MED6: variants seen among roughly 807,000 people sequenced by gnomAD.
MED6 encodes mediator of RNA polymerase II transcription subunit 6.
In MED6, 33 loss-of-function variants were observed where a neutral mutation model predicts 37.5. The ratio of observed to expected loss-of-function variants is 0.88; its 90% CI spans 0.67 to 1.18. The LOEUF (loss-of-function observed/expected upper bound fraction) is 1.18, where lower values mean the gene tolerates loss of function less well. MED6 is among the 50% of genes most tolerant of loss of function. The pLI is 0.00. For synonymous variants in MED6, 94 were observed against 93.6 expected, an observed-to-expected ratio of 1.00 and a Z score of -0.02; for missense variants, 235 against 290.6, an observed-to-expected ratio of 0.81 and a Z score of 1.39.
At chr14:70,585,730 T>C (rs1257033816) in intron 7 of MED6, 26 bp downstream of exon 7, 2 of 1,573,272 alleles carry the variant, frequency 1.3e-6, no homozygotes, top group East Asian at 2.3e-5. Context: ...ATTTCAAGCG[T>C]AATAAGAATA....
chr14:70,591,144 T>C lies in MED6; in HGVS notation c.582+122A>G, dbSNP rs1281841572. The C allele has an allele frequency of 8.2e-6, 6 of 732,172 alleles. No individual in the cohort carries two copies. The East Asian group carries it at 1.5e-4, about 18-fold the overall frequency. 45.4% of individuals were successfully genotyped at this position (732,172 alleles called of 1,614,324 possible). ...AACCTTTCCTTTGATACAGAGATCA[T>C]TTTTTAACTAATGAGGAAAATTGTA... On this transcript the variant is annotated intron_variant, in intron 6 of 7. Coordinates refer to ENST00000256379, the MANE Select transcript of MED6 (RefSeq NM_005466.4).
At chr14:70,597,506 C>T in intron 2 of MED6, 112 bp downstream of exon 2, 1 of 950,172 alleles carries the variant, frequency 1.1e-6, no homozygotes, top group Non-Finnish European at 1.4e-6. Flanking sequence ...AAACAAAACT[C>T]CAGTTTTTCT....
At chr14:70,590,759 G>A (rs1425760293) in intron 6 of MED6, among the ~76,000 whole-genome samples, 1 of 151,976 alleles carries the variant, frequency 6.6e-6, no homozygotes, top group African/African-American at 2.4e-5. Flanking sequence ...ATCACACAGT[G>A]GAATTCATAT....
chr14:70,600,620 G>C lies in MED6; in HGVS notation c.18C>G (p.Ile6Met), dbSNP rs750357419. Reference sequence around the variant, plus strand: ...AAATATAGCAATACAGTATACCTCGGATATCCACCGCCGCCATAATTCCGA... The same window carrying C: ...AAATATAGCAATACAGTATACCTCGCATATCCACCGCCGCCATAATTCCGA... MAAVD[I>M]RDNLLGISWV... Residue 6 changes from isoleucine (I) to methionine (M), a missense_variant, in exon 1 of 8, where the codon ATC becomes ATG. Physicochemically the swap from Ile to Met is conservative, Grantham distance 10. Transcript: ENST00000256379. 3.7e-6 allele frequency: 6 copies of C among 1,612,958 alleles called. No individual in the cohort carries two copies. Among genetic ancestry groups the C allele is most frequent in the Non-Finnish European group, 5.1e-6 (6 of 1,179,822 alleles).
chr14:70,595,012 C>G, intron 3 of MED6: 1 of 578,002 alleles, frequency 1.7e-6, no homozygotes, highest in South Asian at 1.4e-5. Flanking sequence ...CCACATTGTT[C>G]TGCAGATCGA....
intron 6 of MED6, among the ~76,000 whole-genome samples, chr14:70,586,304 TAA>T (rs745404584): frequency 4.6e-5 from 7 of 152,186 alleles, no homozygotes; most frequent in Non-Finnish European, 8.8e-5. Context: ...GAAAAAAAGA[TAA>T]GAGCATTAGA....
chr14:70,583,792 A>C lies in MED6; in HGVS notation c.*1021T>G, dbSNP rs116966287. On this transcript the variant is annotated 3_prime_UTR_variant, in exon 8 of 8. Coordinates refer to ENST00000256379, the MANE Select transcript of MED6 (RefSeq NM_005466.4). ...TAAAATTGTACGAAAGGAATGATTA[A>C]AGTACAGTTTTAAAAGCATCTACAT... 1,124 of 284,024 alleles carry C rather than the reference A, an allele frequency of 4.0e-3. 3 individuals are homozygous for C. The highest frequency in any genetic ancestry group is 6.8e-3 in the Middle Eastern group (7 of 1,026). 17.6% of individuals were successfully genotyped at this position (284,024 alleles called of 1,614,324 possible). A position where few individuals can be genotyped will look rare whatever the true frequency, so the allele number is the denominator to read the frequency against.
chr14:70,598,126 C>A (rs888572660), intron 1 of MED6, among the ~76,000 whole-genome samples: 2 of 152,000 alleles, frequency 1.3e-5, no homozygotes, highest in African/African-American at 4.8e-5. Context: ...GAAACCCCGT[C>A]TCTACTAAAA....
intron 1 of MED6, among the ~76,000 whole-genome samples, chr14:70,599,702 T>C (rs762834999): frequency 2.6e-5 from 4 of 151,580 alleles, no homozygotes; most frequent in South Asian, 2.1e-4. Context: ...ATCTGAATTA[T>C]AAGTAAAACA....
At position 70,584,609 on chromosome 14, in the gene MED6, CAA is replaced by C; in HGVS notation, c.*202_*203del. ...CAGGCTGGTCTTGAACTTCTGACCTCAAGTGATCCACCCGCCATGGCCTCCCA... is the reference window on the plus strand; with the variant it reads ...CAGGCTGGTCTTGAACTTCTGACCTCGTGATCCACCCGCCATGGCCTCCCA... On this transcript the variant is annotated 3_prime_UTR_variant, in exon 8 of 8. Transcript: ENST00000256379. The C allele has an allele frequency of 1.9e-6, 1 of 521,622 alleles. No individual in the cohort carries two copies. The highest frequency in any genetic ancestry group is 3.2e-6 in the Non-Finnish European group (1 of 311,270). 32.3% of individuals were successfully genotyped at this position (521,622 alleles called of 1,614,324 possible).
chr14:70,593,071 G>T, intron 4 of MED6, 83 bp from the exon 5 acceptor site: 1 of 1,557,790 alleles, frequency 6.4e-7, no homozygotes, highest in Non-Finnish European at 8.8e-7. Context: ...TATTACATAT[G>T]CAAAGACAGA....
chr14:70,585,924 GA>G, intron 6 of MED6, 141 bp from the exon 7 acceptor site: 2 of 609,832 alleles, frequency 3.3e-6, no homozygotes, highest in East Asian at 6.1e-5. Flanking sequence ...ACTTTGTGAA[GA>G]AAAGCTACTA....
chr14:70,595,980 TCTGA>T lies in MED6; in HGVS notation c.274+627_274+630del, dbSNP rs532869549. 3.3e-4 allele frequency among the ~76,000 whole-genome samples: 51 copies of T among 152,318 alleles called. No homozygotes were observed. The South Asian group carries it at 1.0e-2, about 30-fold the overall frequency. Reference sequence around the variant, plus strand: ...AGGTAGCTTTGATGCAGTGAGTCGCTCTGACTGTTAGTGCTTGAAGAGTTGTCCT... The same window carrying T: ...AGGTAGCTTTGATGCAGTGAGTCGCTCTGTTAGTGCTTGAAGAGTTGTCCT... On this transcript the variant is annotated intron_variant, in intron 3 of 7. Transcript: ENST00000256379.
At chr14:70,592,747 C>T in intron 5 of MED6, 133 bp downstream of exon 5, 2 of 918,530 alleles carry the variant, frequency 2.2e-6, no homozygotes, top group South Asian at 1.7e-5. Context: ...TGAATCTCAG[C>T]TGCAACAAAG....
chr14:70,583,854 C>T lies in MED6; in HGVS notation c.*959G>A. ...ACTCAGCCCCCTTGCCATGAGATAC[C>T]CTGTGCTGCCTAGGGACTTTGCAGA... is the stretch of plus-strand genomic sequence containing the variant. On this transcript the variant is annotated 3_prime_UTR_variant, in exon 8 of 8. Transcript: ENST00000256379. The T allele has an allele frequency of 2.7e-6, 1 of 368,734 alleles. No individual in the cohort carries two copies. The highest frequency in any genetic ancestry group is 3.9e-5 in the East Asian group (1 of 25,842). 22.8% of individuals were successfully genotyped at this position (368,734 alleles called of 1,614,324 possible).
chr14:70,595,224 C>A, intron 3 of MED6: 1 of 542,084 alleles, frequency 1.8e-6, no homozygotes, highest in East Asian at 4.7e-5. Context: ...CAAGCCCAGA[C>A]TGCCAGCTCT....
intron 3 of MED6, chr14:70,596,141 A>T (rs1049258978): frequency 2.2e-5 from 4 of 185,596 alleles, no homozygotes; most frequent in African/African-American, 9.4e-5. Flanking sequence ...ATGTGATTAT[A>T]GTAGACACCA....
intron 3 of MED6, among the ~76,000 whole-genome samples, chr14:70,594,283 T>C (rs1202372178): frequency 1.3e-5 from 2 of 152,200 alleles, no homozygotes; most frequent in Non-Finnish European, 2.9e-5. Context: ...AAAAGGTGTC[T>C]AGCTCTTTGA....
At chr14:70,600,470 A>T in intron 1 of MED6, 146 bp downstream of exon 1, 1 of 710,442 alleles carries the variant, frequency 1.4e-6, no homozygotes, top group Non-Finnish European at 2.2e-6. Context: ...ACGTTTCGCT[A>T]GATCACAGCC....
Sources: allele counts gnomAD v4.1 joint callset (sites outside exome capture counted in the v4.1 genomes callset), GRCh38; gene constraint gnomAD v4.1.1; transcripts MANE v1.5; gene names NCBI Gene and HGNC (gene_info 2026-07-23, HGNC 2026-07-21).